COL4A2: variants seen among roughly 807,000 people sequenced by gnomAD.
COL4A2 encodes collagen type IV alpha 2 chain, also known as collagen alpha-2(IV) chain.
Under a neutral mutation model 200.2 loss-of-function variants are expected in COL4A2, and 99 were observed. The ratio of observed to expected loss-of-function variants is 0.49; its 90% CI spans 0.42 to 0.58. The LOEUF (loss-of-function observed/expected upper bound fraction) is 0.58, where lower values mean the gene tolerates loss of function less well. Ranked by LOEUF, COL4A2 falls within the 20% of genes least tolerant of loss-of-function variation. The probability of loss-of-function intolerance (pLI) is 0.00; values close to 1 mark genes in which losing one functional copy is unlikely to be tolerated. For synonymous variants in COL4A2, 897 were observed against 900.6 expected, an observed-to-expected ratio of 1.00 and a Z score of 0.07; for missense variants, 1,950 against 2,314.1, an observed-to-expected ratio of 0.84 and a Z score of 3.23.
intron 29 of COL4A2, among the ~76,000 whole-genome samples, chr13:110,475,933 C>G (rs1882688518): frequency 6.6e-6 from 1 of 152,258 alleles, no homozygotes; most frequent in Non-Finnish European, 1.5e-5. Context: ...AATCACAAAG[C>G]ACCTCGGTGC....
chr13:110,393,598 G>A (rs190775083), intron 4 of COL4A2, among the ~76,000 whole-genome samples: 9 of 151,244 alleles, frequency 6.0e-5, no homozygotes, highest in Admixed American at 2.0e-4. Flanking sequence ...AAAAAAAAAG[G>A]CCAGGCCCGG....
intron 3 of COL4A2, among the ~76,000 whole-genome samples, chr13:110,346,684 C>T (rs769203664): frequency 3.3e-5 from 5 of 152,210 alleles, no homozygotes; most frequent in African/African-American, 4.8e-5. Flanking sequence ...CCCCTTTGGT[C>T]GCTGTCCTGC....
At chr13:110,329,325 T>A (rs922983275) in intron 3 of COL4A2, among the ~76,000 whole-genome samples, 21 of 152,182 alleles carry the variant, frequency 1.4e-4, no homozygotes, top group African/African-American at 5.1e-4. Context: ...ACTAACATCA[T>A]CTTGAATCAA....
At chr13:110,411,579 G>T (rs1879838926) in intron 4 of COL4A2, among the ~76,000 whole-genome samples, 1 of 152,202 alleles carries the variant, frequency 6.6e-6, no homozygotes, top group Non-Finnish European at 1.5e-5. Context: ...TTTGAGCAGG[G>T]TAGGGTTAAA....
At chr13:110,429,990 G>C in intron 8 of COL4A2, 34 bp downstream of exon 8, 295 of 1,462,040 alleles carry the variant, frequency 2.0e-4, no homozygotes, top group African/African-American at 7.0e-4. Flanking sequence ...GGTAATGAAG[G>C]GACCCAGTGT....
intron 24 of COL4A2, chr13:110,463,312 T>C (rs994110681): frequency 8.5e-5 from 13 of 152,194 alleles, no homozygotes; most frequent in African/African-American, 2.7e-4. Context: ...ATTTCCCCTT[T>C]TTATAGGGAG....
At chr13:110,367,280 A>T (rs1877798754) in intron 4 of COL4A2, among the ~76,000 whole-genome samples, 1 of 152,268 alleles carries the variant, frequency 6.6e-6, no homozygotes, top group Admixed American at 6.5e-5. Flanking sequence ...AAATGGAAGT[A>T]ATTAATGTTG....
intron 39 of COL4A2, among the ~76,000 whole-genome samples, chr13:110,494,036 A>G (rs965419956): frequency 2.0e-5 from 3 of 151,712 alleles, no homozygotes; most frequent in Non-Finnish European, 4.4e-5. Flanking sequence ...GAATGACACA[A>G]TCAGTCCATA....
At chr13:110,394,071 A>G (rs1879096053) in intron 4 of COL4A2, among the ~76,000 whole-genome samples, 2 of 152,196 alleles carry the variant, frequency 1.3e-5, no homozygotes, top group South Asian at 4.1e-4. Flanking sequence ...GAAGCATGAG[A>G]GAAAATCCAT....
intron 3 of COL4A2, among the ~76,000 whole-genome samples, chr13:110,345,098 G>A (rs1268750814): frequency 6.6e-6 from 1 of 152,144 alleles, no homozygotes; most frequent in Non-Finnish European, 1.5e-5. Context: ...GTGGGGACTA[G>A]ATGTGAATCA....
rs568420385 is a variant in COL4A2 at position 110,384,444 on chromosome 13, C to A, written c.180+26892C>A. Among the ~76,000 whole-genome samples the A allele has an allele frequency of 7.2e-5, 11 of 152,328 alleles. No homozygotes were observed. In the East Asian group the frequency reaches 1.3e-3, roughly 19 times the overall value. ...GGGAACTTAACCAGTAATTTCAACG[C>A]TTCAGTGGGGAGTCACACGTCAGAT... On this transcript the variant is annotated intron_variant, in intron 4 of 47. Transcript: ENST00000360467.
chr13:110,454,501 A>G (rs2139485803), intron 20 of COL4A2, among the ~76,000 whole-genome samples: 1 of 152,322 alleles, frequency 6.6e-6, no homozygotes, highest in Middle Eastern at 3.4e-3. Flanking sequence ...CTCATCACAC[A>G]GAGGGAGAGC....
rs201763437 is a variant in COL4A2 at position 110,485,798 on chromosome 13, C to T, written c.3169C>T (p.Pro1057Ser). 9 of 1,613,680 alleles carry T rather than the reference C, an allele frequency of 5.6e-6. No individual in the cohort carries two copies. The highest frequency in any genetic ancestry group is 7.6e-6 in the Non-Finnish European group (9 of 1,179,914). The part of the protein sequence containing the change: ...LPGFPGVAGP[P>S]GITGFPGFIG... ...AGGATTCCCTGGGGTGGCTGGCCCC[C>T]CTGGAATTACGGGATTCCCAGGATT... The change falls in exon 34 of 48, where the codon CCT becomes TCT. Residue 1057 changes from proline (P) to serine (S), a missense_variant. By Grantham distance (74) the Pro-to-Ser change is moderately conservative (BLOSUM62 -1). Coordinates refer to ENST00000360467, the MANE Select transcript of COL4A2 (RefSeq NM_001846.4).
At chr13:110,466,939 C>T (rs1280037653) in intron 26 of COL4A2, 101 bp from the exon 27 acceptor site, 28 of 1,433,232 alleles carry the variant, frequency 2.0e-5, no homozygotes, top group South Asian at 5.0e-5. Flanking sequence ...GAATGGTAGC[C>T]GGTTTGCACA....
chr13:110,323,823 G>T (rs926059061), intron 3 of COL4A2, among the ~76,000 whole-genome samples: 2 of 152,230 alleles, frequency 1.3e-5, no homozygotes, highest in Non-Finnish European at 2.9e-5. Context: ...AGGAAAGAGA[G>T]AGGGAAAGTC....
chr13:110,457,456 C>T (rs771941877), intron 21 of COL4A2, 21 bp downstream of exon 21: 27 of 1,407,476 alleles, frequency 1.9e-5, no homozygotes, highest in South Asian at 3.5e-5. Context: ...CTGGGAGGGA[C>T]GGGATGAGGA....
chr13:110,385,668 G>A (rs796381485), intron 4 of COL4A2, among the ~76,000 whole-genome samples: 5 of 12,392 alleles, frequency 4.0e-4, no homozygotes, highest in Non-Finnish European at 5.5e-4. Context: ...GACCGTGGCT[G>A]CAGTGTGTGG....
At chr13:110,310,273 C>T (rs967661296) in intron 3 of COL4A2, among the ~76,000 whole-genome samples, 1 of 152,200 alleles carries the variant, frequency 6.6e-6, no homozygotes, top group Non-Finnish European at 1.5e-5. Context: ...AGACCTAAAC[C>T]CTGAAAGGCT....
intron 6 of COL4A2, among the ~76,000 whole-genome samples, chr13:110,425,304 G>A (rs1053983874): frequency 1.4e-4 from 22 of 152,110 alleles, no homozygotes; most frequent in African/African-American, 4.8e-4. Flanking sequence ...TTGTGATCTC[G>A]TTCGAACTAT....
Sources: gnomAD v4.1 joint callset for allele counts (sites outside exome capture counted in the v4.1 genomes callset) on GRCh38, gnomAD v4.1.1 for gene constraint, MANE v1.5 for transcripts, NCBI Gene and HGNC (gene_info 2026-07-23, HGNC 2026-07-21) for gene names.